The following LRP1B variants were observed in gnomAD, a reference collection of about 807,000 sequenced individuals.
LRP1B encodes LDL receptor related protein 1B.
LRP1B carries 217 observed loss-of-function variants against 556.6 expected under a neutral mutation model. The observed-to-expected ratio is 0.39, with a 90% CI of 0.35 to 0.44. LRP1B has a LOEUF of 0.44. LRP1B is among the 20% of genes least tolerant of loss of function. LRP1B has a pLI of 1.00. For synonymous variants in LRP1B, 2,047 were observed against 1,865.8 expected (o/e 1.10, Z -2.50); for missense variants, 5,053 against 5,620.8 (o/e 0.90, Z 3.23).
rs143678262 is a variant in LRP1B at position 141,077,051 on chromosome 2, C to G, written c.1014-14778G>C. On this transcript the variant is annotated intron_variant, in intron 7 of 90. Transcript: ENST00000389484. ...CACGAGGCCAGGAGTTCGAGACCAG[C>G]CTGGCCAATATGGTGAAACCCCGGC... 8.1e-3 allele frequency among the ~76,000 whole-genome samples: 1,238 copies of G among 152,190 alleles called. 10 individuals are homozygous for G. Among genetic ancestry groups the G allele is most frequent in the Middle Eastern group, 0.014 (4 of 294 alleles).
Position 140,232,968 on chromosome 2 carries a change from T to C in LRP1B, c.*218A>G, listed in dbSNP as rs569782057. 1 of 361,264 alleles carries C rather than the reference T, an allele frequency of 2.8e-6. No individual in the cohort carries two copies. The allele number at this position is 361,264 out of a possible 1,614,324, so 22.4% of individuals were successfully genotyped here. A position where few individuals can be genotyped will look rare whatever the true frequency, so the allele number is the denominator to read the frequency against. ...ATATCAGCAGCATTGTTGTAAATTG[T>C]ACTGTAGTGCAGTTCTTTTTCATAA... On this transcript the variant is annotated 3_prime_UTR_variant, in exon 91 of 91. Transcript: ENST00000389484.
intron 35 of LRP1B, among the ~76,000 whole-genome samples, chr2:140,720,068 G>T (rs1484240324): frequency 6.6e-6 from 1 of 151,996 alleles, no homozygotes; most frequent in African/African-American, 2.4e-5. Flanking sequence ...AATGGAGATA[G>T]TTGCAAAGAT....
intron 41 of LRP1B, among the ~76,000 whole-genome samples, chr2:140,646,359 G>A (rs1338610945): frequency 6.6e-6 from 1 of 152,152 alleles, no homozygotes; most frequent in African/African-American, 2.4e-5. Flanking sequence ...GAGTTCTTAC[G>A]ATTGCATAGC....
chr2:141,868,204 C>T (rs754104906), intron 1 of LRP1B, among the ~76,000 whole-genome samples: 1 of 152,126 alleles, frequency 6.6e-6, no homozygotes, highest in Non-Finnish European at 1.5e-5. Context: ...CTTGGGAAAT[C>T]TCTGAACGTT....
At chr2:140,314,712 A>G (rs1684445533) in intron 83 of LRP1B, among the ~76,000 whole-genome samples, 1 of 152,154 alleles carries the variant, frequency 6.6e-6, no homozygotes, top group Non-Finnish European at 1.5e-5. Context: ...TGAGCCTGTC[A>G]CATGGTACAT....
At chr2:140,302,641 T>C (rs905423533) in intron 83 of LRP1B, among the ~76,000 whole-genome samples, 1 of 152,128 alleles carries the variant, frequency 6.6e-6, no homozygotes, top group South Asian at 2.1e-4. Context: ...AAGAAAGATA[T>C]TTCCTCACCA....
chr2:141,665,649 T>C (rs768339378), intron 2 of LRP1B, among the ~76,000 whole-genome samples: 12 of 152,204 alleles, frequency 7.9e-5, no homozygotes, highest in Non-Finnish European at 1.3e-4. Context: ...GTAGCACTAT[T>C]CACGATAGCA....
chr2:140,986,449 CA>C (rs1696929158), intron 17 of LRP1B, among the ~76,000 whole-genome samples: 1 of 152,126 alleles, frequency 6.6e-6, no homozygotes, highest in Non-Finnish European at 1.5e-5. Flanking sequence ...GATAGAAAAT[CA>C]ATTCACATAC....
chr2:141,615,126 A>G (rs992988077), intron 2 of LRP1B, among the ~76,000 whole-genome samples: 17 of 152,232 alleles, frequency 1.1e-4, no homozygotes, highest in African/African-American at 3.6e-4. Context: ...TCTTTGTCAC[A>G]AAGTAGCAGA....
intron 31 of LRP1B, among the ~76,000 whole-genome samples, chr2:140,829,493 C>A (rs917209578): frequency 1.3e-5 from 2 of 152,058 alleles, no homozygotes; most frequent in Non-Finnish European, 2.9e-5. Context: ...AGAAACAATA[C>A]AAACACATGA....
chr2:142,080,283 T>G (rs913960726), intron 1 of LRP1B, among the ~76,000 whole-genome samples: 4 of 152,178 alleles, frequency 2.6e-5, no homozygotes, highest in Non-Finnish European at 5.9e-5. Context: ...ATTAAGTGAA[T>G]AGCCTCTTCT....
chr2:141,984,301 A>G (rs1476661337), intron 1 of LRP1B, among the ~76,000 whole-genome samples: 1 of 152,098 alleles, frequency 6.6e-6, no homozygotes, highest in East Asian at 1.9e-4. Flanking sequence ...ACAACCAACA[A>G]TGACATGAAT....
chr2:141,639,349 T>TACACACACACAC (rs1553440025), intron 2 of LRP1B, among the ~76,000 whole-genome samples: 31 of 56,064 alleles, frequency 5.5e-4, no homozygotes, highest in African/African-American at 1.4e-3. Flanking sequence ...TATATATATA[T>TACACACACACAC]ACACACACAC....
At chr2:141,873,438 G>A (rs1473150274) in intron 1 of LRP1B, among the ~76,000 whole-genome samples, 2 of 151,982 alleles carry the variant, frequency 1.3e-5, no homozygotes, top group Non-Finnish European at 2.9e-5. Context: ...GCATTGCTTT[G>A]TTGGGAATCA....
chr2:140,588,925 CTCCA>C (rs56945381), intron 43 of LRP1B, among the ~76,000 whole-genome samples: 19,876 of 149,010 alleles, frequency 0.13, 1,689 homozygotes, highest in African/African-American at 0.23. Flanking sequence ...GCACCACGCA[CTCCA>C]TCCAGCCTGG....
chr2:141,211,137 A>G (rs1287583615), intron 6 of LRP1B, among the ~76,000 whole-genome samples: 1 of 151,438 alleles, frequency 6.6e-6, no homozygotes, highest in Admixed American at 6.6e-5. Context: ...ACAGGCACCC[A>G]CTACCATGCT....
chr2:142,062,540 ATAAT>A (rs1704959775), intron 1 of LRP1B, among the ~76,000 whole-genome samples: 1 of 151,838 alleles, frequency 6.6e-6, no homozygotes, highest in African/African-American at 2.4e-5. Flanking sequence ...TGGAGCAGAA[ATAAT>A]TAATGTTGCT....
intron 2 of LRP1B, among the ~76,000 whole-genome samples, chr2:141,558,395 A>G (rs1224564178): frequency 6.6e-6 from 1 of 151,814 alleles, no homozygotes; most frequent in Admixed American, 6.6e-5. Context: ...GATCAGCTAC[A>G]CAGTACCTAA....
At chr2:141,298,266 C>T (rs1490070187) in intron 3 of LRP1B, among the ~76,000 whole-genome samples, 1 of 152,130 alleles carries the variant, frequency 6.6e-6, no homozygotes, top group Non-Finnish European at 1.5e-5. Flanking sequence ...AATTTTTGCC[C>T]TTGCCCATGG....
Sources: allele counts gnomAD v4.1 joint callset (sites outside exome capture counted in the v4.1 genomes callset), GRCh38; gene constraint gnomAD v4.1.1; transcripts MANE v1.5; gene names NCBI Gene and HGNC (gene_info 2026-07-23, HGNC 2026-07-21).